SEC24A: variants seen among roughly 807,000 people sequenced by gnomAD.
The protein encoded by SEC24A is SEC24 homolog A, COPII component.
SEC24A carries 93 observed loss-of-function variants against 129.4 expected under a neutral mutation model. The observed-to-expected ratio is 0.72, with a 90% CI of 0.61 to 0.85. The LOEUF (loss-of-function observed/expected upper bound fraction) is 0.85, where lower values mean the gene tolerates loss of function less well. Among genes scored for constraint, SEC24A ranks in the 40% least tolerant of loss-of-function variants. The pLI, the probability that SEC24A is intolerant of heterozygous loss-of-function variation, is 0.00. For synonymous variants in SEC24A, 460 were observed against 467.3 expected (o/e 0.98, Z 0.20); for missense variants, 1,264 against 1,307.4 (o/e 0.97, Z 0.51).
intron 20 of SEC24A, among the ~76,000 whole-genome samples, chr5:134,719,788 C>T (rs1478156882): frequency 6.6e-6 from 1 of 151,990 alleles, no homozygotes; most frequent in Non-Finnish European, 1.5e-5. Context: ...GAGTTCAAGA[C>T]CAGCCTGACC....
intron 20 of SEC24A, among the ~76,000 whole-genome samples, chr5:134,720,464 A>C (rs2150114242): frequency 6.6e-6 from 1 of 152,332 alleles, no homozygotes; most frequent in East Asian, 1.9e-4. Context: ...GATTCATGGC[A>C]GTACATTTGT....
intron 2 of SEC24A, among the ~76,000 whole-genome samples, chr5:134,663,742 C>T (rs895891735): frequency 3.9e-5 from 6 of 152,022 alleles, no homozygotes; most frequent in African/African-American, 1.4e-4. Flanking sequence ...TATCAATAAT[C>T]TGAAATTTCT....
rs1751857124 is a variant in SEC24A at position 134,697,255 on chromosome 5, T to C, written c.2107+9T>C. 21 of 1,586,996 alleles carry C rather than the reference T, an allele frequency of 1.3e-5. No homozygotes were observed. Among genetic ancestry groups the C allele is most frequent in the Non-Finnish European group, 1.6e-5 (19 of 1,162,766 alleles). On this transcript the variant is annotated intron_variant, in intron 14 of 22. Coordinates refer to ENST00000398844, the MANE Select transcript of SEC24A (RefSeq NM_021982.3). Reference sequence around the variant, plus strand: ...TGATTTGGCTTCTCTGGGTAAGTTCTTCGTAATGATTTTTTTTTTCCGTTA... The same window carrying C: ...TGATTTGGCTTCTCTGGGTAAGTTCCTCGTAATGATTTTTTTTTTCCGTTA...
intron 4 of SEC24A, 88 bp downstream of exon 4, chr5:134,671,974 A>G: frequency 1.3e-6 from 1 of 799,844 alleles, no homozygotes; most frequent in South Asian, 1.6e-5. Flanking sequence ...ATAGGAAACT[A>G]AGAGGGAAAC....
intron 11 of SEC24A, 29 bp from the exon 12 acceptor site, chr5:134,692,573 T>C (rs1273444856): frequency 9.1e-7 from 1 of 1,100,592 alleles, no homozygotes; most frequent in Admixed American, 2.1e-5. Context: ...TACATTTTGT[T>C]TAAAATAAAT....
At chr5:134,710,510 G>T (rs1464107014) in intron 18 of SEC24A, among the ~76,000 whole-genome samples, 1 of 152,138 alleles carries the variant, frequency 6.6e-6, no homozygotes, top group Admixed American at 6.6e-5. Context: ...AGGGATTACA[G>T]CCGTGAGCCA....
rs1749956802 is a variant in SEC24A at position 134,649,066 on chromosome 5, AC to A, written c.-8del. ...TGTCGACCCCGACCAGCCCCTTCCA[AC>A]CCAGTCATCATGTCCCAGCCGGGAA... is the stretch of plus-strand genomic sequence containing the variant. On this transcript the variant is annotated 5_prime_UTR_variant, in exon 1 of 23. Coordinates refer to ENST00000398844, the MANE Select transcript of SEC24A (RefSeq NM_021982.3). 6.2e-7 allele frequency: 1 copy of A among 1,601,484 alleles called. No individual in the cohort carries two copies. The highest frequency in any genetic ancestry group is 8.5e-7 in the Non-Finnish European group (1 of 1,172,832).
chr5:134,656,206 C>T (rs917360859), intron 1 of SEC24A, among the ~76,000 whole-genome samples: 2 of 150,830 alleles, frequency 1.3e-5, no homozygotes, highest in East Asian at 2.0e-4. Flanking sequence ...TCTCAGCCTC[C>T]GGAGTAGCTG....
At chr5:134,673,318 T>C (rs777185079) in intron 4 of SEC24A, among the ~76,000 whole-genome samples, 3 of 152,076 alleles carry the variant, frequency 2.0e-5, no homozygotes, top group Admixed American at 6.6e-5. Flanking sequence ...CCTCCCAAAG[T>C]GCTGGGATTA....
intron 1 of SEC24A, among the ~76,000 whole-genome samples, chr5:134,657,912 AAAACTAGATGT>A (rs1358136874): frequency 1.3e-5 from 2 of 152,214 alleles, no homozygotes; most frequent in Non-Finnish European, 2.9e-5. Flanking sequence ...ATGCAAACAC[AAAACTAGATGT>A]AAACTTCATA....
Position 134,723,505 on chromosome 5 carries a change from CCATAGACCATA to C in SEC24A, c.3064-58_3064-48del, listed in dbSNP as rs549421542. 4.0e-4 allele frequency: 416 copies of C among 1,039,258 alleles called. 2 individuals are homozygous for C. The African/African-American group carries it at 5.7e-3, about 14-fold the overall frequency. The allele number at this position is 1,039,258 out of a possible 1,614,324, so 64.4% of individuals were successfully genotyped here. On this transcript the variant is annotated intron_variant, in intron 21 of 22. Coordinates refer to ENST00000398844, the MANE Select transcript of SEC24A (RefSeq NM_021982.3). Reference sequence around the variant, plus strand: ...TAAAAAAATAAAAATTTGAAAAGTACCATAGACCATACATTAGATATGTAATTAAAGTAATT... The same window carrying C: ...TAAAAAAATAAAAATTTGAAAAGTACCATTAGATATGTAATTAAAGTAATT...
intron 11 of SEC24A, among the ~76,000 whole-genome samples, chr5:134,691,609 TC>T (rs944640274): frequency 2.7e-5 from 4 of 150,104 alleles, no homozygotes; most frequent in African/African-American, 9.8e-5. Flanking sequence ...TTCAAGTGAT[TC>T]TCCTGCCTCA....
intron 21 of SEC24A, 27 bp downstream of exon 21, chr5:134,721,117 T>C (rs758741751): frequency 1.8e-5 from 25 of 1,373,822 alleles, no homozygotes; most frequent in Non-Finnish European, 2.5e-5. Flanking sequence ...ATAGTGATTA[T>C]AAAGGGCATT....
At chr5:134,666,722 T>C in intron 2 of SEC24A, 101 bp from the exon 3 acceptor site, 1 of 903,228 alleles carries the variant, frequency 1.1e-6, no homozygotes, top group Non-Finnish European at 1.8e-6. Context: ...GTTATTATAA[T>C]TTAAATGTAA....
At chr5:134,678,235 G>A (rs1026715284) in intron 7 of SEC24A, among the ~76,000 whole-genome samples, 28 of 152,094 alleles carry the variant, frequency 1.8e-4, no homozygotes, top group African/African-American at 6.8e-4. Flanking sequence ...TTAACTAGGA[G>A]TGTAATTCCA....
At chr5:134,690,984 G>A (rs1751627221) in intron 11 of SEC24A, among the ~76,000 whole-genome samples, 1 of 151,924 alleles carries the variant, frequency 6.6e-6, no homozygotes, top group South Asian at 2.1e-4. Context: ...CCGAGTAGCT[G>A]GGATTACAGG....
At chr5:134,660,226 C>T (rs1178885887) in intron 1 of SEC24A, among the ~76,000 whole-genome samples, 3 of 150,534 alleles carry the variant, frequency 2.0e-5, no homozygotes, top group Non-Finnish European at 4.4e-5. Flanking sequence ...ATTAGGCCGG[C>T]GTGGTGGTGC....
intron 10 of SEC24A, among the ~76,000 whole-genome samples, chr5:134,687,705 A>T (rs1751497822): frequency 1.3e-5 from 2 of 152,356 alleles, no homozygotes; most frequent in East Asian, 3.9e-4. Flanking sequence ...CCATGCATGA[A>T]CAAGAGTGAA....
At chr5:134,704,985 G>A (rs1460737787) in intron 16 of SEC24A, among the ~76,000 whole-genome samples, 6 of 150,088 alleles carry the variant, frequency 4.0e-5, no homozygotes, top group Non-Finnish European at 4.4e-5. Context: ...TGTCTGGCCA[G>A]TATAAAACGT....
Sources: allele counts gnomAD v4.1 joint callset (sites outside exome capture counted in the v4.1 genomes callset), GRCh38; gene constraint gnomAD v4.1.1; transcripts MANE v1.5; gene names NCBI Gene and HGNC (gene_info 2026-07-23, HGNC 2026-07-21).